The following NUP205 variants were observed in gnomAD, a reference collection of about 807,000 sequenced individuals.
NUP205 encodes nucleoporin 205, also known as nuclear pore complex protein Nup205.
A neutral mutation model predicts 253.8 loss-of-function variants in NUP205; 76 were observed. The observed-to-expected ratio is 0.30, with a 90% CI of 0.25 to 0.36. NUP205 has a LOEUF of 0.36. Among genes scored for constraint, NUP205 ranks in the 10% least tolerant of loss-of-function variants. NUP205 has a pLI of 1.00. For missense variants in NUP205, 2,162 were observed against 2,425.5 expected, an observed-to-expected ratio of 0.89 and a Z score of 2.28; for synonymous variants, 832 against 850.1, an observed-to-expected ratio of 0.98 and a Z score of 0.37.
chr7:135,637,962 G>A lies in NUP205; in HGVS notation c.5168G>A (p.Gly1723Asp), dbSNP rs377181596. Residue 1723 changes from glycine to aspartate, a missense_variant, in exon 37 of 43, where the codon GGT becomes GAT. Around this residue, in one of 5 missense-constraint regions of NUP205, gnomAD observed 1,144 missense variants for 1,280.9 expected, o/e 0.89. Coordinates refer to ENST00000285968, the MANE Select transcript of NUP205 (RefSeq NM_015135.3). ...RQCLGLLSRF[G>D]GSDRLRQFKF... ...TGCTTAGGACTACTAAGTCGCTTTG[G>A]TGGCTCTGACAGACTGCGTCAGTTT... 2.3e-5 allele frequency: 37 copies of A among 1,613,784 alleles called. No individual in the cohort carries two copies. The highest frequency in any genetic ancestry group is 3.1e-5 in the Non-Finnish European group (36 of 1,179,914).
chr7:135,562,436 G>A (rs1212982100), intron 1 of NUP205, among the ~76,000 whole-genome samples: 1 of 151,648 alleles, frequency 6.6e-6, no homozygotes, highest in African/African-American at 2.4e-5. Flanking sequence ...GACCTCAAAC[G>A]ATTCACCTGC....
intron 22 of NUP205, among the ~76,000 whole-genome samples, chr7:135,608,044 T>A (rs1301638282): frequency 7.2e-5 from 7 of 97,350 alleles, no homozygotes; most frequent in East Asian, 3.1e-4. Flanking sequence ...TTTTTTTTTT[T>A]AATATGGAGT....
intron 35 of NUP205, among the ~76,000 whole-genome samples, chr7:135,631,348 CT>C (rs1794710679): frequency 6.6e-6 from 1 of 152,180 alleles, no homozygotes; most frequent in South Asian, 2.1e-4. Context: ...ACAAATGTTT[CT>C]TTACTACTAG....
At chr7:135,603,364 C>T (rs1438151186) in intron 18 of NUP205, among the ~76,000 whole-genome samples, 2 of 152,018 alleles carry the variant, frequency 1.3e-5, no homozygotes, top group East Asian at 3.9e-4. Context: ...CTGCCCGCCT[C>T]AGCCTCCCAA....
intron 28 of NUP205, 27 bp from the exon 29 acceptor site, chr7:135,619,396 C>A: frequency 1.3e-6 from 2 of 1,593,176 alleles, no homozygotes; most frequent in South Asian, 2.3e-5. Context: ...GCAGGATTCT[C>A]ACTCTAATTT....
chr7:135,597,254 A>C (rs1402708338), intron 13 of NUP205, 114 bp from the exon 14 acceptor site: 2 of 662,560 alleles, frequency 3.0e-6, no homozygotes, highest in Non-Finnish European at 5.4e-6. Context: ...TTTGGTGGAC[A>C]TTGTGAGATC....
chr7:135,591,310 G>A, intron 10 of NUP205, 140 bp from the exon 11 acceptor site: 1 of 632,624 alleles, frequency 1.6e-6, no homozygotes, highest in Non-Finnish European at 2.7e-6. Context: ...TTCATAAATA[G>A]AATATCAGTT....
At chr7:135,583,602 A>C (rs1319362720) in intron 7 of NUP205, among the ~76,000 whole-genome samples, 1 of 152,046 alleles carries the variant, frequency 6.6e-6, no homozygotes, top group African/African-American at 2.4e-5. Flanking sequence ...TCTACTAAAA[A>C]TACAAAAATT....
At chr7:135,565,229 G>A (rs747166429) in intron 1 of NUP205, among the ~76,000 whole-genome samples, 14 of 152,018 alleles carry the variant, frequency 9.2e-5, no homozygotes, top group Non-Finnish European at 2.1e-4. Context: ...TTAAAATGAG[G>A]GAGAGAAAAT....
intron 1 of NUP205, among the ~76,000 whole-genome samples, chr7:135,569,134 G>A (rs145300385): frequency 2.0e-5 from 3 of 152,138 alleles, no homozygotes; most frequent in Non-Finnish European, 4.4e-5. Flanking sequence ...GCAATGGCAC[G>A]ATCTCGGCTC....
At chr7:135,565,387 T>C (rs920932426) in intron 1 of NUP205, among the ~76,000 whole-genome samples, 2 of 152,098 alleles carry the variant, frequency 1.3e-5, no homozygotes, top group Non-Finnish European at 2.9e-5. Flanking sequence ...CTAACAGACC[T>C]TTTCTTCCTC....
At position 135,572,593 on chromosome 7, in the gene NUP205, A is replaced by C. The variant is rs1806027450; in HGVS notation, c.172-1061A>C. On this transcript the variant is annotated intron_variant, in intron 2 of 42. Coordinates refer to ENST00000285968, the MANE Select transcript of NUP205 (RefSeq NM_015135.3). ...GTATGTGTTTGTGTGTCAGAGTCTCACTCTGTCGTCCAGTCTGGAGTGCAG... is the reference window on the plus strand; with the variant it reads ...GTATGTGTTTGTGTGTCAGAGTCTCCCTCTGTCGTCCAGTCTGGAGTGCAG... Among the ~76,000 whole-genome samples the C allele has an allele frequency of 2.6e-5, 4 of 152,024 alleles. No individual in the cohort carries two copies. The South Asian group carries it at 8.3e-4, about 31-fold the overall frequency.
At chr7:135,598,246 T>C (rs1563122170) in intron 15 of NUP205, 39 bp downstream of exon 15, 3 of 1,537,882 alleles carry the variant, frequency 2.0e-6, no homozygotes, top group Admixed American at 1.8e-5. Context: ...CTTATGCATT[T>C]ACTGCTTTTT....
Position 135,631,478 on chromosome 7 carries a change from G to T in NUP205, c.5059+1008G>T, listed in dbSNP as rs560516913. On this transcript the variant is annotated intron_variant, in intron 35 of 42. Transcript: ENST00000285968. ...TTTACTACATGTAAATTTTGAATCA[G>T]TTAACTCCCTGATGGGAAAGATGAA... Among the ~76,000 whole-genome samples, 79 of 152,228 alleles carry T rather than the reference G, an allele frequency of 5.2e-4. 1 individual carries two copies. The highest frequency in any genetic ancestry group is 1.9e-3 in the South Asian group (9 of 4,822).
At chr7:135,624,355 C>G (rs1794537014) in intron 31 of NUP205, among the ~76,000 whole-genome samples, 1 of 150,648 alleles carries the variant, frequency 6.6e-6, no homozygotes, top group Admixed American at 6.6e-5. Flanking sequence ...GCATGCACCA[C>G]CATGCTGGGG....
intron 1 of NUP205, among the ~76,000 whole-genome samples, chr7:135,570,780 A>ATATTTATAT (rs1563110128): frequency 4.2e-5 from 2 of 47,278 alleles, no homozygotes; most frequent in Non-Finnish European, 7.8e-5. Flanking sequence ...AATATATATT[A>ATATTTATAT]ATTATATTTA....
At chr7:135,599,073 A>G (rs534686947) in intron 15 of NUP205, among the ~76,000 whole-genome samples, 1 of 152,308 alleles carries the variant, frequency 6.6e-6, no homozygotes, top group East Asian at 1.9e-4. Context: ...AAGAAATTAT[A>G]TCATCCTTAA....
chr7:135,574,386 G>A (rs1584642094), intron 3 of NUP205, among the ~76,000 whole-genome samples: 1 of 152,132 alleles, frequency 6.6e-6, no homozygotes, highest in Admixed American at 6.6e-5. Context: ...ATAGAGAGGT[G>A]GAGGCTGGCT....
intron 1 of NUP205, among the ~76,000 whole-genome samples, chr7:135,563,403 G>A (rs1357419386): frequency 1.3e-5 from 2 of 152,014 alleles, no homozygotes; most frequent in African/African-American, 2.4e-5. Context: ...TGGCCAGGAC[G>A]GTCTTGATCT....
Sources: gnomAD v4.1 joint callset for allele counts (sites outside exome capture counted in the v4.1 genomes callset) on GRCh38, gnomAD v4.1.1 for gene constraint, gnomAD v4.1.1 regional missense constraint, MANE v1.5 for transcripts, NCBI Gene and HGNC (gene_info 2026-07-23, HGNC 2026-07-21) for gene names.